The following ZNF687 variants were observed in gnomAD, a reference collection of about 807,000 sequenced individuals.
ZNF687 encodes the protein zinc finger protein 687.
A neutral mutation model predicts 71.8 loss-of-function variants in ZNF687; 13 were observed. The observed-to-expected ratio is 0.18, with a 90% CI of 0.12 to 0.29. The LOEUF (loss-of-function observed/expected upper bound fraction) is 0.29. Ranked by LOEUF, ZNF687 falls within the 10% of genes least tolerant of loss-of-function variation. ZNF687 has a pLI of 1.00. For missense variants in ZNF687, 1,412 were observed against 1,625.6 expected, an observed-to-expected ratio of 0.87 and a Z score of 2.26; for synonymous variants, 673 against 641.6, an observed-to-expected ratio of 1.05 and a Z score of -0.74.
rs759112011 is a variant in ZNF687 at position 151,287,980 on chromosome 1, C to T, written c.1689C>T (p.Cys563=). Residue 563 remains cysteine (C), a synonymous_variant, in exon 2 of 9, where the codon TGC becomes TGT. Transcript: ENST00000336715. This position sits in a 1 kb window ranked among gnomAD's most constrained non-coding sequence, Gnocchi z 5.0. ...GGAGCATGCGCATCGAGGTCACCTGCAACCACTGCGCCCGCCGCCTGGTCT... is the reference window on the plus strand; with the variant it reads ...GGAGCATGCGCATCGAGGTCACCTGTAACCACTGCGCCCGCCGCCTGGTCT... ...DRRSMRIEVT[C]NHCARRLVFF... 3 of 1,613,974 alleles carry T rather than the reference C, an allele frequency of 1.9e-6. No individual in the cohort carries two copies. Among genetic ancestry groups the T allele is most frequent in the Non-Finnish European group, 2.5e-6 (3 of 1,180,030 alleles).
At position 151,288,376 on chromosome 1, in the gene ZNF687, C is replaced by G. The variant is rs370819029; in HGVS notation, c.2085C>G (p.Leu695=). 3 of 1,607,168 alleles carry G rather than the reference C, an allele frequency of 1.9e-6. No individual in the cohort carries two copies. The Admixed American group carries it at 5.0e-5, about 27-fold the overall frequency. Residue 695 remains leucine, a synonymous_variant, in exon 2 of 9, where the codon CTC becomes CTG. Transcript: ENST00000336715. ...GCATGGCAGCTCACTTCCAGCAGCT[C>G]GGCCCCCCTGCCCCTGGGGCCACCA... The part of the protein sequence containing the change: ...KAGMAAHFQQ[L]GPPAPGATSN...
chr1:151,289,009 C>G (rs777480498), intron 3 of ZNF687, 86 bp from the exon 4 acceptor site: 3 of 1,425,084 alleles, frequency 2.1e-6, no homozygotes, highest in Non-Finnish European at 2.9e-6. Flanking sequence ...TGTAGTCTAC[C>G]CAGTCCCAGA....
intron 2 of ZNF687, 24 bp from the exon 3 acceptor site, chr1:151,288,502 CTT>C: frequency 6.3e-7 from 1 of 1,584,550 alleles, no homozygotes; most frequent in Non-Finnish European, 8.6e-7. Flanking sequence ...TCCTCACCGA[CTT>C]TCCTTGTTTA....
rs750352223 is a variant in ZNF687, at chr1:151,289,280, C to CGGGGGAGGGCCGGGCTGGGCCA, written c.2471+13_2471+34dup. The CGGGGGAGGGCCGGGCTGGGCCA allele has an allele frequency of 1.2e-6, 2 of 1,613,202 alleles. No homozygotes were observed. The highest frequency in any genetic ancestry group is 2.2e-5 in the South Asian group (2 of 91,062). ...CAAACTCAGCAGGCCAAGTGAGGCC[C>CGGGGGAGGGCCGGGCTGGGCCA]GGGGGAGGGCCGGGCTGGGCCAGGG... On this transcript the variant is annotated intron_variant, in intron 4 of 8. Transcript: ENST00000336715.
In ZNF687 at chr1:151,290,968, A is replaced by G; in HGVS notation, c.3473A>G (p.His1158Arg). ...CTGAGCCGACACCGTTTCATCAGCC[A>G]CAAGAAGAGACGGGGTGTGGGTAAA... Reference protein sequence around the residue: ...GSLSRHRFISHKKRRGVGKAS... With the variant: ...GSLSRHRFISRKKRRGVGKAS... The change falls in exon 9 of 9, where the codon CAC becomes CGC. Residue 1158 changes from histidine (H) to arginine (R), a missense_variant. By Grantham distance (29) the His-to-Arg change is conservative. This residue lies in a region of ZNF687 where 284 missense variants were observed against 359.2 expected (regional missense o/e 0.79). Coordinates refer to ENST00000336715, the MANE Select transcript of ZNF687 (RefSeq NM_020832.3). The G allele has an allele frequency of 6.2e-7, 1 of 1,613,910 alleles. No individual in the cohort carries two copies. Among genetic ancestry groups the G allele is most frequent in the South Asian group, 1.1e-5 (1 of 91,080 alleles).
At chr1:151,281,696 C>A, upstream of ZNF687, 1 of 440,378 alleles carries the variant, frequency 2.3e-6, no homozygotes, top group Non-Finnish European at 4.8e-6. Context: ...GGTGGGAAGA[C>A]CGCAAGGAAA....
chr1:151,289,010 C>T, intron 3 of ZNF687, 85 bp from the exon 4 acceptor site: 1 of 1,431,524 alleles, frequency 7.0e-7, no homozygotes, highest in Non-Finnish European at 9.6e-7. Flanking sequence ...GTAGTCTACC[C>T]AGTCCCAGAG....
At position 151,288,416 on chromosome 1, in the gene ZNF687, C is replaced by T. The variant is rs1694049922; in HGVS notation, c.2115+10C>T. On this transcript the variant is annotated intron_variant, in intron 2 of 8. Transcript: ENST00000336715. ...TGGGGCCACCAGCAATGTGAGTCAC[C>T]TTTCACAGCCCTTCTGTGGGGACAG... 3.1e-6 allele frequency: 5 copies of T among 1,599,974 alleles called. No homozygotes were observed. The highest frequency in any genetic ancestry group is 1.7e-4 in the Middle Eastern group (1 of 6,042).
chr1:151,287,664 T>C lies in ZNF687; in HGVS notation c.1373T>C (p.Leu458Pro). ...ALPKADGRAGLGTGGQKVNGA... is the reference protein window; with the variant it reads ...ALPKADGRAGPGTGGQKVNGA... ...CCTAAGGCTGACGGGCGGGCAGGGC[T>C]GGGGACTGGGGGACAGAAGGTGAAT... The change falls in exon 2 of 9, where the codon CTG becomes CCG. Residue 458 changes from leucine (L) to proline (P), a missense_variant. Transcript: ENST00000336715. This position sits in a 1 kb window ranked among gnomAD's most constrained non-coding sequence, Gnocchi z 5.0. 1 of 1,613,210 alleles carries C rather than the reference T, an allele frequency of 6.2e-7. No homozygotes were observed. The highest frequency in any genetic ancestry group is 2.2e-5 in the East Asian group (1 of 44,866).
chr1:151,284,802 C>A (rs12754257), intron 1 of ZNF687, among the ~76,000 whole-genome samples: 1 of 56,418 alleles, frequency 1.8e-5, no homozygotes, highest in East Asian at 5.5e-4. Flanking sequence ...CTTGTCTTGT[C>A]TTTTTTTTTT....
At position 151,289,255 on chromosome 1, in the gene ZNF687, C is replaced by G; in HGVS notation, c.2455C>G (p.Gln819Glu). The G allele has an allele frequency of 1.2e-6, 2 of 1,614,012 alleles. No individual in the cohort carries two copies. The highest frequency in any genetic ancestry group is 1.7e-6 in the Non-Finnish European group (2 of 1,179,994). ...AHLYSQHPSF[Q>E]TQQAKLIYKC... Reference sequence around the variant, plus strand: ...CCTCTACTCCCAGCATCCCAGCTTCCAAACTCAGCAGGCCAAGTGAGGCCC... The same window carrying G: ...CCTCTACTCCCAGCATCCCAGCTTCGAAACTCAGCAGGCCAAGTGAGGCCC... The change falls in exon 4 of 9, where the codon CAA (glutamine) becomes GAA (glutamate). Residue 819 changes from glutamine (Q) to glutamate (E), a missense_variant. Coordinates refer to ENST00000336715, the MANE Select transcript of ZNF687 (RefSeq NM_020832.3).
chr1:151,282,365 C>T lies in ZNF687; in HGVS notation c.-48C>T, dbSNP rs1693745688. 6.0e-6 allele frequency: 6 copies of T among 991,868 alleles called. No individual in the cohort carries two copies. Among genetic ancestry groups the T allele is most frequent in the East Asian group, 1.1e-4 (1 of 8,972 alleles). 61.4% of individuals were successfully genotyped at this position (991,868 alleles called of 1,614,324 possible). On this transcript the variant is annotated 5_prime_UTR_variant, in exon 1 of 9. Transcript: ENST00000336715. ...GCGGCTGGAGCGGGGTAGAGACCGC[C>T]GGGTCTCGGCCCGCACCAGGAGCGG...
At position 151,291,897 on chromosome 1, in the gene ZNF687, G is replaced by A. The variant is rs1223195328; in HGVS notation, c.*688G>A. 4 of 152,332 alleles carry A rather than the reference G, an allele frequency of 2.6e-5. No individual in the cohort carries two copies. Among genetic ancestry groups the A allele is most frequent in the Non-Finnish European group, 2.9e-5 (2 of 68,032 alleles). 9.4% of individuals were successfully genotyped at this position (152,332 alleles called of 1,614,324 possible). A position where few individuals can be genotyped will look rare whatever the true frequency, so the allele number is the denominator to read the frequency against. Reference sequence around the variant, plus strand: ...CAGACCATTAAAACTGTTTGTGGTCGAATCTCCATTCAGGCCTCTCTTTTT... The same window carrying A: ...CAGACCATTAAAACTGTTTGTGGTCAAATCTCCATTCAGGCCTCTCTTTTT... On this transcript the variant is annotated 3_prime_UTR_variant, in exon 9 of 9. Coordinates refer to ENST00000336715, the MANE Select transcript of ZNF687 (RefSeq NM_020832.3).
At chr1:151,288,763 C>T (rs1239312972) in intron 3 of ZNF687, 57 bp downstream of exon 3, 1 of 1,525,370 alleles carries the variant, frequency 6.6e-7, no homozygotes, top group Non-Finnish European at 8.9e-7. Context: ...TAGCCTCAGC[C>T]TCAGATGGCC....
Position 151,290,759 on chromosome 1 carries a change from G to A in ZNF687, c.3264G>A (p.Glu1088=), listed in dbSNP as rs1694201621. ...GCCAGTCTTCTGACTCTTGCAGTGA[G>A]GAGCCTGACAGCACGACACCGCCAG... ...KRRQSSDSCS[E]EPDSTTPPAK... The change falls in exon 9 of 9, where the codon GAG becomes GAA. Residue 1088 remains glutamate, a synonymous_variant. Coordinates refer to ENST00000336715, the MANE Select transcript of ZNF687 (RefSeq NM_020832.3). 3.1e-6 allele frequency: 5 copies of A among 1,612,834 alleles called. No individual in the cohort carries two copies. The highest frequency in any genetic ancestry group is 4.2e-6 in the Non-Finnish European group (5 of 1,179,462).
chr1:151,282,486 T>A, intron 1 of ZNF687, 91 bp downstream of exon 1: 1 of 888,082 alleles, frequency 1.1e-6, no homozygotes. Context: ...CTTGGTCAAC[T>A]ACCCCCTTCT....
In ZNF687 at chr1:151,286,850, G is replaced by A. The variant is rs587598297; in HGVS notation, c.559G>A (p.Glu187Lys). The change falls in exon 2 of 9, where the codon GAG becomes AAG. Residue 187 changes from glutamate to lysine, a missense_variant. Glu to Lys is a moderately conservative substitution (Grantham distance 56). Coordinates refer to ENST00000336715, the MANE Select transcript of ZNF687 (RefSeq NM_020832.3). ...LPPSAPSPTR[E>K]GALTPPPFPS... is the part of the protein sequence containing the mutation. ...TCCCTCTGCACCCTCTCCCACTCGG[G>A]AGGGGGCTCTGACCCCGCCTCCTTT... is the stretch of plus-strand genomic sequence containing the variant. 102 of 1,613,984 alleles carry A rather than the reference G, an allele frequency of 6.3e-5. No individual in the cohort carries two copies. The South Asian group carries it at 1.0e-3, about 17-fold the overall frequency.
rs372150790 is a variant in ZNF687, at chr1:151,290,405, C to T, written c.3078-27C>T. 6.2e-6 allele frequency: 10 copies of T among 1,613,546 alleles called. No homozygotes were observed. In the African/African-American group the frequency reaches 1.2e-4, roughly 19 times the overall value. On this transcript the variant is annotated intron_variant, in intron 7 of 8. Transcript: ENST00000336715. ...CCCTGGCCTTCGGGCTGTGCCGCTG[C>T]TGCCATCCTGTCCTCTCCCATTTCA... is the stretch of plus-strand genomic sequence containing the variant.
chr1:151,283,159 G>A (rs1557765714), intron 1 of ZNF687: 14 of 985,424 alleles, frequency 1.4e-5, no homozygotes, highest in Non-Finnish European at 1.7e-5. Flanking sequence ...TTTCTCATGT[G>A]TACACCCCGC....
Sources: gnomAD v4.1 joint callset for allele counts (sites outside exome capture counted in the v4.1 genomes callset) on GRCh38, gnomAD v4.1.1 for gene constraint, gnomAD v4.1.1 regional missense constraint, Gnocchi (gnomAD v3.1) non-coding constraint, MANE v1.5 for transcripts, NCBI Gene and HGNC (gene_info 2026-07-23, HGNC 2026-07-21) for gene names.